Variants in ATP8A2 observed in about 807,000 individuals in gnomAD.
ATP8A2 encodes the protein ATPase phospholipid transporting 8A2, also known as phospholipid-transporting ATPase IB.
ATP8A2 carries 100 observed loss-of-function variants against 165.6 expected under a neutral mutation model. The observed-to-expected ratio is 0.60, with a 90% CI of 0.51 to 0.71. ATP8A2 has a LOEUF of 0.71. Among genes scored for constraint, ATP8A2 ranks in the 30% least tolerant of loss-of-function variants. The pLI is 0.00. For synonymous variants in ATP8A2, 543 were observed against 548.8 expected, an observed-to-expected ratio of 0.99 and a Z score of 0.15; for missense variants, 1,227 against 1,479.5, an observed-to-expected ratio of 0.83 and a Z score of 2.80.
chr13:25,570,107 C>T (rs1219022898), intron 16 of ATP8A2, among the ~76,000 whole-genome samples: 2 of 152,076 alleles, frequency 1.3e-5, no homozygotes, highest in East Asian at 3.9e-4. Flanking sequence ...ATATCCAGGG[C>T]AATTCTGGTT....
At chr13:25,794,045 T>G (rs544540067) in intron 27 of ATP8A2, among the ~76,000 whole-genome samples, 3 of 152,328 alleles carry the variant, frequency 2.0e-5, no homozygotes, top group African/African-American at 4.8e-5. Context: ...TCTTTCAAAC[T>G]TCTGTATATT....
chr13:25,381,496 G>T (rs1355210160), intron 1 of ATP8A2, among the ~76,000 whole-genome samples: 2 of 152,170 alleles, frequency 1.3e-5, no homozygotes, highest in Non-Finnish European at 2.9e-5. Flanking sequence ...ATTACCAGGG[G>T]ATGCTGCTGG....
chr13:25,590,729 C>A (rs902286737), intron 24 of ATP8A2, among the ~76,000 whole-genome samples: 1 of 152,066 alleles, frequency 6.6e-6, no homozygotes, highest in African/African-American at 2.4e-5. Flanking sequence ...GCAGATGGCA[C>A]GGTTAATTAC....
chr13:25,668,966 T>G (rs1394791234), intron 24 of ATP8A2, among the ~76,000 whole-genome samples: 1 of 152,298 alleles, frequency 6.6e-6, no homozygotes, highest in Non-Finnish European at 1.5e-5. Context: ...ACTTTTTTTG[T>G]CCATGTTTCC....
intron 25 of ATP8A2, among the ~76,000 whole-genome samples, chr13:25,734,985 G>A (rs2043736290): frequency 6.6e-6 from 1 of 152,148 alleles, no homozygotes; most frequent in South Asian, 2.1e-4. Flanking sequence ...AATGGTGGCA[G>A]AAAGGAACAA....
intron 35 of ATP8A2, among the ~76,000 whole-genome samples, chr13:25,997,559 G>A (rs1246792662): frequency 2.0e-5 from 3 of 152,178 alleles, no homozygotes; most frequent in Admixed American, 1.3e-4. Context: ...CTCTGAAGAC[G>A]TGAATGTTAG....
At position 25,772,933 on chromosome 13, in the gene ATP8A2, G is replaced by A. The variant is rs182817736; in HGVS notation, c.2569-1916G>A. ...CAACACCACGTCTGACTACTTTTTG[G>A]ATTTTTAGCAGAGACGGCGTTTCAC... On this transcript the variant is annotated intron_variant, in intron 26 of 36. Transcript: ENST00000381655. Among the ~76,000 whole-genome samples, 386 of 151,814 alleles carry A rather than the reference G, an allele frequency of 2.5e-3. 1 individual carries two copies. The highest frequency in any genetic ancestry group is 9.0e-3 in the African/African-American group (371 of 41,386).
intron 24 of ATP8A2, among the ~76,000 whole-genome samples, chr13:25,642,346 A>G: frequency 6.6e-6 from 1 of 152,130 alleles, no homozygotes. Context: ...TTTGCAATCT[A>G]CTCATCTGAC....
At chr13:25,895,681 T>A (rs1016444053) in intron 33 of ATP8A2, among the ~76,000 whole-genome samples, 8 of 152,216 alleles carry the variant, frequency 5.3e-5, no homozygotes, top group African/African-American at 1.9e-4. Flanking sequence ...TTTTGGTTGG[T>A]AAGCTATTAA....
At chr13:25,832,054 C>T (rs888504111) in intron 28 of ATP8A2, among the ~76,000 whole-genome samples, 2 of 151,892 alleles carry the variant, frequency 1.3e-5, no homozygotes, top group Admixed American at 6.6e-5. Context: ...ATTCTCCTGC[C>T]TCAGCCTCCC....
At chr13:25,510,222 G>C (rs9581366) in intron 2 of ATP8A2, among the ~76,000 whole-genome samples, 11,510 of 43,760 alleles carry the variant, frequency 0.26, 708 homozygotes, top group African/African-American at 0.39. Context: ...CACACACACA[G>C]AGAATGTTGA....
At position 25,578,931 on chromosome 13, in the gene ATP8A2, C is replaced by T. The variant is rs376282076; in HGVS notation, c.1867+32C>T. 379 of 1,380,842 alleles carry T rather than the reference C, an allele frequency of 2.7e-4. 1 individual carries two copies. Among genetic ancestry groups the T allele is most frequent in the Non-Finnish European group, 5.8e-5 (56 of 968,960 alleles). 85.5% of individuals were successfully genotyped at this position (1,380,842 alleles called of 1,614,324 possible). A position where few individuals can be genotyped will look rare whatever the true frequency, so the allele number is the denominator to read the frequency against. ...GGAATTTGGAAATGCTGTTTTTGGCCATTGGAGCTGTACTTTCAAGCATGT... is the reference window on the plus strand; with the variant it reads ...GGAATTTGGAAATGCTGTTTTTGGCTATTGGAGCTGTACTTTCAAGCATGT... On this transcript the variant is annotated intron_variant, in intron 21 of 36. Transcript: ENST00000381655.
intron 36 of ATP8A2, among the ~76,000 whole-genome samples, chr13:26,019,643 C>T (rs935483836): frequency 2.0e-5 from 3 of 152,180 alleles, no homozygotes; most frequent in Non-Finnish European, 2.9e-5. Flanking sequence ...GAAACCTACC[C>T]TCAGAGGCTT....
chr13:25,756,110 T>C (rs1448903592), intron 25 of ATP8A2, among the ~76,000 whole-genome samples: 3 of 152,150 alleles, frequency 2.0e-5, no homozygotes, highest in Non-Finnish European at 4.4e-5. Flanking sequence ...TCAGCCTGGA[T>C]GGTGTCCTCA....
At chr13:25,531,410 T>TATATGA (rs1566230365) in intron 4 of ATP8A2, among the ~76,000 whole-genome samples, 1 of 58,956 alleles carries the variant, frequency 1.7e-5, no homozygotes, top group Non-Finnish European at 4.4e-5. Context: ...ATATATATGA[T>TATATGA]TATATATATG....
At chr13:25,823,575 C>T (rs1362805533) in intron 27 of ATP8A2, among the ~76,000 whole-genome samples, 2 of 152,138 alleles carry the variant, frequency 1.3e-5, no homozygotes, top group African/African-American at 4.8e-5. Flanking sequence ...ACATCTTTTA[C>T]TCTCTTTTGG....
intron 1 of ATP8A2, among the ~76,000 whole-genome samples, chr13:25,464,877 G>C (rs936041293): frequency 6.6e-6 from 1 of 152,200 alleles, no homozygotes; most frequent in Non-Finnish European, 1.5e-5. Context: ...ACTCTATCCA[G>C]GGATAGAGCT....
chr13:25,968,854 C>G (rs901705481), intron 35 of ATP8A2, among the ~76,000 whole-genome samples, 175 bp downstream of exon 35: 12 of 152,060 alleles, frequency 7.9e-5, no homozygotes, highest in Non-Finnish European at 1.5e-5. Flanking sequence ...TACATGAAAC[C>G]TAAATCTCTG....
chr13:25,694,340 G>A (rs2042790892), intron 24 of ATP8A2, among the ~76,000 whole-genome samples: 1 of 152,200 alleles, frequency 6.6e-6, no homozygotes, highest in Non-Finnish European at 1.5e-5. Context: ...CATGGGACTT[G>A]GCACTGAGCT....
Sources: allele counts gnomAD v4.1 joint callset (sites outside exome capture counted in the v4.1 genomes callset), GRCh38; gene constraint gnomAD v4.1.1; transcripts MANE v1.5; gene names NCBI Gene and HGNC (gene_info 2026-07-23, HGNC 2026-07-21).